Variants in MAP3K5 observed in about 807,000 individuals in gnomAD.
MAP3K5 encodes the protein ASK-1.
MAP3K5 carries 56 observed loss-of-function variants against 158.7 expected under a neutral mutation model. The ratio of observed to expected loss-of-function variants is 0.35; its 90% CI spans 0.28 to 0.44. The LOEUF (loss-of-function observed/expected upper bound fraction) is 0.44, where lower values mean the gene tolerates loss of function less well. MAP3K5 is among the 20% of genes least tolerant of loss of function. The pLI is 1.00. For missense variants in MAP3K5, 1,294 were observed against 1,674.8 expected (o/e 0.77, Z 3.97); for synonymous variants, 579 against 601.7 (o/e 0.96, Z 0.55).
chr6:136,640,765 G>C (rs546086397), intron 12 of MAP3K5, among the ~76,000 whole-genome samples: 2 of 152,152 alleles, frequency 1.3e-5, no homozygotes, highest in Non-Finnish European at 1.5e-5. Context: ...CCACTAACTC[G>C]AGCTGTGCAA....
At chr6:136,766,934 G>T (rs894292600) in intron 1 of MAP3K5, among the ~76,000 whole-genome samples, 6 of 152,212 alleles carry the variant, frequency 3.9e-5, no homozygotes, top group Middle Eastern at 3.4e-3. Context: ...AGTTTCATTA[G>T]ATTTCCACTA....
At chr6:136,653,592 T>A (rs1445356742) in intron 10 of MAP3K5, among the ~76,000 whole-genome samples, 1 of 152,210 alleles carries the variant, frequency 6.6e-6, no homozygotes, top group African/African-American at 2.4e-5. Context: ...CGGAAGTGGT[T>A]ACAACTTATT....
intron 23 of MAP3K5, among the ~76,000 whole-genome samples, chr6:136,590,756 G>A (rs1451945180): frequency 2.6e-5 from 4 of 152,054 alleles, no homozygotes; most frequent in African/African-American, 9.7e-5. Context: ...TAGCCAGGAT[G>A]GTCTCGATCT....
At chr6:136,605,040 A>C (rs1212280014) in intron 19 of MAP3K5, among the ~76,000 whole-genome samples, 169 bp downstream of exon 19, 1 of 152,206 alleles carries the variant, frequency 6.6e-6, no homozygotes, top group African/African-American at 2.4e-5. Flanking sequence ...CCACTGTGTG[A>C]GGCACCAGCG....
chr6:136,638,248 T>C (rs538335119), intron 13 of MAP3K5, among the ~76,000 whole-genome samples: 2 of 152,322 alleles, frequency 1.3e-5, no homozygotes, highest in South Asian at 4.1e-4. Flanking sequence ...ACAGACATGA[T>C]TTAAGATCTG....
rs147842470 is a variant in MAP3K5 at position 136,718,770 on chromosome 6, T to C, written c.588+1680A>G. 3.3e-3 allele frequency among the ~76,000 whole-genome samples: 499 copies of C among 152,274 alleles called. 7 individuals carry two copies. Among genetic ancestry groups the C allele is most frequent in the East Asian group, 0.029 (148 of 5,188 alleles). ...TTTGCTTCATTTAAAAATACTTCCC[T>C]AGGAAAGAATGGGCACAAAATTAAA... is the stretch of plus-strand genomic sequence containing the variant. On this transcript the variant is annotated intron_variant, in intron 2 of 29. Transcript: ENST00000359015.
At chr6:136,765,304 T>A (rs561588093) in intron 1 of MAP3K5, among the ~76,000 whole-genome samples, 2 of 152,082 alleles carry the variant, frequency 1.3e-5, no homozygotes, top group Non-Finnish European at 2.9e-5. Flanking sequence ...CAGAAACTGT[T>A]TTCTTTAGAG....
chr6:136,661,471 A>G (rs1161204787), intron 8 of MAP3K5, among the ~76,000 whole-genome samples: 1 of 152,156 alleles, frequency 6.6e-6, no homozygotes, highest in Non-Finnish European at 1.5e-5. Flanking sequence ...TCACTGCTCA[A>G]TGCAGCCTTG....
intron 7 of MAP3K5, among the ~76,000 whole-genome samples, chr6:136,669,676 G>C (rs570279272): frequency 7.2e-5 from 11 of 152,206 alleles, no homozygotes; most frequent in African/African-American, 2.6e-4. Flanking sequence ...ATATGTGAAT[G>C]TGAAAATTTA....
At chr6:136,581,094 T>A (rs866662828) in intron 24 of MAP3K5, among the ~76,000 whole-genome samples, 6 of 152,210 alleles carry the variant, frequency 3.9e-5, no homozygotes, top group African/African-American at 1.4e-4. Flanking sequence ...TAAAACTCTA[T>A]ACTCATTAAA....
At chr6:136,753,499 T>A (rs1783317603) in intron 1 of MAP3K5, among the ~76,000 whole-genome samples, 1 of 150,484 alleles carries the variant, frequency 6.6e-6, no homozygotes, top group East Asian at 2.0e-4. Flanking sequence ...CAGATAGTAT[T>A]TTTTTTTTTC....
chr6:136,680,616 T>C (rs900479232), intron 7 of MAP3K5, among the ~76,000 whole-genome samples: 5 of 152,236 alleles, frequency 3.3e-5, no homozygotes, highest in Admixed American at 6.5e-5. Context: ...GAAAGGTCTT[T>C]ACCAATTCAC....
At chr6:136,715,934 A>G (rs6902935) in intron 2 of MAP3K5, among the ~76,000 whole-genome samples, 75,670 of 149,474 alleles carry the variant, frequency 0.51, 19,266 homozygotes, top group African/African-American at 0.56. Flanking sequence ...GGAGGCTGAG[A>G]CAGGAGAATT....
chr6:136,777,582 A>C (rs1331272786), intron 1 of MAP3K5, among the ~76,000 whole-genome samples: 1 of 152,236 alleles, frequency 6.6e-6, no homozygotes, highest in Non-Finnish European at 1.5e-5. Flanking sequence ...TATGTGACTC[A>C]AAAACAATCA....
At chr6:136,622,309 C>T (rs1188079162) in intron 15 of MAP3K5, among the ~76,000 whole-genome samples, 1 of 152,070 alleles carries the variant, frequency 6.6e-6, no homozygotes, top group Non-Finnish European at 1.5e-5. Context: ...GTTTTCCTAC[C>T]CCAGCACTGG....
At position 136,669,143 on chromosome 6, in the gene MAP3K5, G is replaced by A. The variant is rs188761783; in HGVS notation, c.1366+140C>T. On this transcript the variant is annotated intron_variant, in intron 8 of 29. Coordinates refer to ENST00000359015, the MANE Select transcript of MAP3K5 (RefSeq NM_005923.4). The stretch of plus-strand genomic sequence containing the variant: ...AACAGTATGAAACACCAAACAAGGA[G>A]ATATAATAAGTTTCTTTTTTCTCTT... The A allele has an allele frequency of 1.1e-4, 74 of 668,624 alleles. No individual in the cohort carries two copies. In the East Asian group the frequency reaches 1.9e-3, roughly 18 times the overall value. The allele number at this position is 668,624 out of a possible 1,614,324, so 41.4% of individuals were successfully genotyped here. A position where few individuals can be genotyped will look rare whatever the true frequency, so the allele number is the denominator to read the frequency against.
Position 136,642,298 on chromosome 6 carries a change from A to C in MAP3K5, c.1838+222T>G, listed in dbSNP as rs551133632. On this transcript the variant is annotated intron_variant, in intron 12 of 29. Coordinates refer to ENST00000359015, the MANE Select transcript of MAP3K5 (RefSeq NM_005923.4). ...ACATTGACCCCACAGTTACATTTTA[A>C]GTAGGTCAGGAGCACAGAATCAGTT... Among the ~76,000 whole-genome samples, 3 of 152,284 alleles carry C rather than the reference A, an allele frequency of 2.0e-5. No homozygotes were observed. The South Asian group carries it at 6.2e-4, about 32-fold the overall frequency.
chr6:136,584,064 A>G (rs1562523504), intron 23 of MAP3K5, among the ~76,000 whole-genome samples: 2 of 152,208 alleles, frequency 1.3e-5, no homozygotes, highest in South Asian at 4.1e-4. Flanking sequence ...ACACCAAGAA[A>G]TAATCAGAGA....
chr6:136,611,537 A>G, intron 17 of MAP3K5, 150 bp from the exon 18 acceptor site: 1 of 516,596 alleles, frequency 1.9e-6, no homozygotes, highest in Non-Finnish European at 3.6e-6. Context: ...GTTTATCTCA[A>G]TAGTGCATTC....
Sources: gnomAD v4.1 joint callset for allele counts (sites outside exome capture counted in the v4.1 genomes callset) on GRCh38, gnomAD v4.1.1 for gene constraint, MANE v1.5 for transcripts, NCBI Gene and HGNC (gene_info 2026-07-23, HGNC 2026-07-21) for gene names.